Variants in UBXN8 observed in about 807,000 individuals in gnomAD.
UBXN8 encodes the protein UBX domain protein 8, also known as UBX domain-containing protein 8.
A neutral mutation model predicts 32.1 loss-of-function variants in UBXN8; 27 were observed. The observed-to-expected ratio is 0.84, with a 90% CI of 0.62 to 1.16. The LOEUF (loss-of-function observed/expected upper bound fraction) is 1.16, where lower values mean the gene tolerates loss of function less well. UBXN8 is among the 50% of genes most tolerant of loss of function. The probability of loss-of-function intolerance (pLI) is 0.00; values close to 1 mark genes in which losing one functional copy is unlikely to be tolerated. For synonymous variants in UBXN8, 109 were observed against 111.8 expected, an observed-to-expected ratio of 0.98 and a Z score of 0.16; for missense variants, 306 against 311.4, an observed-to-expected ratio of 0.98 and a Z score of 0.13.
chr8:30,762,609 T>C (rs1321356802), intron 6 of UBXN8, among the ~76,000 whole-genome samples: 1 of 151,892 alleles, frequency 6.6e-6, no homozygotes, highest in Non-Finnish European at 1.5e-5. Context: ...GCCAGGCTGG[T>C]CACGAACTCC....
At chr8:30,734,119 C>T (rs532373421) in intron 1 of UBXN8, 11 of 152,346 alleles carry the variant, frequency 7.2e-5, no homozygotes, top group East Asian at 1.9e-4. Flanking sequence ...CGGCTGAGCC[C>T]GGTAGGCAAA....
intron 1 of UBXN8, among the ~76,000 whole-genome samples, chr8:30,738,360 A>T (rs771564067): frequency 5.3e-5 from 8 of 151,486 alleles, no homozygotes; most frequent in African/African-American, 1.7e-4. Flanking sequence ...TCTTTTTAAA[A>T]AATAATAATA....
At chr8:30,760,856 T>C (rs757138178) in intron 5 of UBXN8, 32 bp from the exon 6 acceptor site, 1 of 1,464,754 alleles carries the variant, frequency 6.8e-7, no homozygotes, top group South Asian at 1.3e-5. Context: ...GTTGAACATG[T>C]TTACATTCCT....
At chr8:30,732,392 A>C (rs1804982231), upstream of UBXN8, 2 of 384,806 alleles carry the variant, frequency 5.2e-6, no homozygotes, top group Non-Finnish European at 9.0e-6. Context: ...GGGATTTACT[A>C]TCCGACGGGG....
At chr8:30,764,874 A>ATC (rs1805957061) in intron 7 of UBXN8, among the ~76,000 whole-genome samples, 1 of 152,006 alleles carries the variant, frequency 6.6e-6, no homozygotes. Flanking sequence ...ACATGGTGAA[A>ATC]CCTTGTCTCT....
intron 1 of UBXN8, among the ~76,000 whole-genome samples, chr8:30,749,951 A>C (rs990334473): frequency 2.0e-5 from 3 of 152,132 alleles, no homozygotes; most frequent in African/African-American, 7.2e-5. Flanking sequence ...AATTTTCTCT[A>C]TATGGGAAAC....
rs185105363 is a variant in UBXN8, at chr8:30,747,010, C to T, written c.88+2733C>T. Among the ~76,000 whole-genome samples the T allele has an allele frequency of 1.4e-3, 192 of 138,206 alleles. 36 individuals carry two copies. Among genetic ancestry groups the T allele is most frequent in the African/African-American group, 4.8e-3 (170 of 35,666 alleles). 90.7% of individuals were successfully genotyped at this position (138,206 alleles called of 152,430 possible). A position where few individuals can be genotyped will look rare whatever the true frequency, so the allele number is the denominator to read the frequency against. ...TCTCTACTAAAAATACGAAAATTAG[C>T]GGAGCATGGTGGCGCACGCCTGTAG... On this transcript the variant is annotated intron_variant, in intron 1 of 7. Transcript: ENST00000265616.
At chr8:30,756,724 A>G in intron 4 of UBXN8, 41 bp from the exon 5 acceptor site, 2 of 1,610,650 alleles carry the variant, frequency 1.2e-6, no homozygotes, top group Admixed American at 1.7e-5. Context: ...TAAAGTTGAT[A>G]GAAAACATCT....
intron 2 of UBXN8, among the ~76,000 whole-genome samples, chr8:30,751,952 G>A (rs759551173): frequency 6.6e-6 from 1 of 150,952 alleles, no homozygotes; most frequent in Non-Finnish European, 1.5e-5. Flanking sequence ...GAGTGCAGTG[G>A]CATGATCTTG....
chr8:30,733,608 C>G (rs942877176), intron 1 of UBXN8, among the ~76,000 whole-genome samples: 10 of 152,190 alleles, frequency 6.6e-5, no homozygotes, highest in African/African-American at 2.4e-4. Flanking sequence ...CCTGCTCCCT[C>G]AAGCACCTGA....
At chr8:30,732,507 C>A, upstream of UBXN8, 1 of 339,840 alleles carries the variant, frequency 2.9e-6, no homozygotes, top group Non-Finnish European at 5.3e-6. Flanking sequence ...GTTTTGCAGA[C>A]TGTGGATCCC....
upstream of UBXN8, among the ~76,000 whole-genome samples, chr8:30,729,591 G>C (rs1330911072): frequency 2.0e-5 from 3 of 152,144 alleles, no homozygotes; most frequent in Non-Finnish European, 4.4e-5. Flanking sequence ...TGTGGTGTGC[G>C]TTTGGTGTGA....
chr8:30,763,234 C>T (rs1805905145), intron 6 of UBXN8, 39 bp from the exon 7 acceptor site: 2 of 1,588,962 alleles, frequency 1.3e-6, no homozygotes, highest in African/African-American at 1.3e-5. Flanking sequence ...TTGCAAAGAG[C>T]AATGGATCGG....
chr8:30,752,541 T>A (rs967217982), intron 2 of UBXN8, among the ~76,000 whole-genome samples: 16 of 152,234 alleles, frequency 1.1e-4, no homozygotes, highest in African/African-American at 3.4e-4. Flanking sequence ...GGTCTCTAGC[T>A]CCTGAGCTCA....
intron 1 of UBXN8, chr8:30,744,596 T>A: frequency 4.2e-6 from 2 of 471,194 alleles, no homozygotes; most frequent in Non-Finnish European, 7.5e-6. Context: ...GAATTTAGGC[T>A]GAGAAGTTTT....
Position 30,744,289 on chromosome 8 carries a change from T to A in UBXN8, c.88+12T>A. ...GATCCCGGATATAGGTAAGTGTGAC[T>A]TTTTCCCTTCGACAGTCACAGCTGG... On this transcript the variant is annotated intron_variant, in intron 1 of 7. Coordinates refer to ENST00000265616, the MANE Select transcript of UBXN8 (RefSeq NM_005671.4). 1 of 1,610,922 alleles carries A rather than the reference T, an allele frequency of 6.2e-7. No individual in the cohort carries two copies. Among genetic ancestry groups the A allele is most frequent in the East Asian group, 2.2e-5 (1 of 44,848 alleles).
chr8:30,752,402 G>A (rs997347007), intron 2 of UBXN8, among the ~76,000 whole-genome samples: 1 of 152,082 alleles, frequency 6.6e-6, no homozygotes, highest in African/African-American at 2.4e-5. Flanking sequence ...CCTCCTCCCA[G>A]GCTCAAGTGA....
chr8:30,754,189 G>C (rs935000742), intron 3 of UBXN8: 1 of 209,280 alleles, frequency 4.8e-6, no homozygotes, highest in African/African-American at 2.4e-5. Flanking sequence ...GCAGTGAGTG[G>C]AGACTGCACC....
chr8:30,747,171 G>A lies in UBXN8; in HGVS notation c.88+2894G>A, dbSNP rs1340471976. Among the ~76,000 whole-genome samples the A allele has an allele frequency of 4.3e-5, 6 of 139,656 alleles. 2 individuals are homozygous for A. The highest frequency in any genetic ancestry group is 9.3e-5 in the Non-Finnish European group (6 of 64,770). The allele number at this position is 139,656 out of a possible 152,430, so 91.6% of individuals were successfully genotyped here. On this transcript the variant is annotated intron_variant, in intron 1 of 7. Coordinates refer to ENST00000265616, the MANE Select transcript of UBXN8 (RefSeq NM_005671.4). ...TCCATCTCAAAACAAAAACAAAAAC[G>A]AAAAAACCTTAAAATTTTTTTTCTT... is the stretch of plus-strand genomic sequence containing the variant.
Sources: gnomAD v4.1 joint callset for allele counts (sites outside exome capture counted in the v4.1 genomes callset) on GRCh38, gnomAD v4.1.1 for gene constraint, MANE v1.5 for transcripts, NCBI Gene and HGNC (gene_info 2026-07-23, HGNC 2026-07-21) for gene names.